Variants in CNTNAP2 observed in about 807,000 individuals in gnomAD.
CNTNAP2 encodes contactin-associated protein-like 2.
Under a neutral mutation model 155.2 loss-of-function variants are expected in CNTNAP2, and 98 were observed. The observed-to-expected ratio is 0.63, with a 90% CI of 0.54 to 0.75. The LOEUF (loss-of-function observed/expected upper bound fraction) is 0.75. CNTNAP2 is among the 30% of genes least tolerant of loss of function. The pLI is 0.00. For synonymous variants in CNTNAP2, 651 were observed against 631.2 expected (o/e 1.03, Z -0.47); for missense variants, 1,727 against 1,688.1 (o/e 1.02, Z -0.40).
intron 21 of CNTNAP2, among the ~76,000 whole-genome samples, chr7:148,284,238 G>A (rs1324720389): frequency 8.8e-6 from 1 of 114,112 alleles, no homozygotes; most frequent in Non-Finnish European, 1.9e-5. Flanking sequence ...TGTTGTGGGA[G>A]GGACCCGATG....
intron 13 of CNTNAP2, among the ~76,000 whole-genome samples, chr7:147,868,760 G>A (rs145534716): frequency 1.3e-5 from 2 of 152,340 alleles, no homozygotes; most frequent in East Asian, 3.9e-4. Context: ...GGCTCCATGG[G>A]CATGGGACCC....
intron 1 of CNTNAP2, among the ~76,000 whole-genome samples, chr7:146,148,100 A>G (rs1163519744): frequency 1.3e-5 from 2 of 152,108 alleles, no homozygotes; most frequent in African/African-American, 4.8e-5. Context: ...TGCAGATTTT[A>G]CTTCTATAGT....
chr7:148,177,046 C>T (rs1794949588), intron 18 of CNTNAP2, among the ~76,000 whole-genome samples: 1 of 152,192 alleles, frequency 6.6e-6, no homozygotes, highest in Admixed American at 6.5e-5. Flanking sequence ...GCAGTACACT[C>T]TCTGTGTGTC....
chr7:146,596,113 A>G (rs1798854704), intron 1 of CNTNAP2, among the ~76,000 whole-genome samples: 2 of 152,026 alleles, frequency 1.3e-5, no homozygotes, highest in Non-Finnish European at 2.9e-5. Context: ...CATGCTCCGG[A>G]GCAGACATCT....
intron 8 of CNTNAP2, among the ~76,000 whole-genome samples, chr7:147,133,960 G>A (rs1256185516): frequency 6.6e-6 from 1 of 151,974 alleles, no homozygotes; most frequent in Non-Finnish European, 1.5e-5. Flanking sequence ...GAGGTTTACA[G>A]CAAATCGAAA....
intron 2 of CNTNAP2, among the ~76,000 whole-genome samples, chr7:146,781,063 C>T (rs1337452192): frequency 6.6e-6 from 1 of 151,818 alleles, no homozygotes; most frequent in Non-Finnish European, 1.5e-5. Flanking sequence ...CCCGTCTCTA[C>T]TAAAAATACA....
In CNTNAP2 at chr7:147,128,708, A is replaced by T. The variant is rs1157860969; in HGVS notation, c.955A>T (p.Ile319Phe). The T allele has an allele frequency of 6.2e-7, 1 of 1,613,882 alleles. No homozygotes were observed. Among genetic ancestry groups the T allele is most frequent in the East Asian group, 2.2e-5 (1 of 44,874 alleles). ...DLDYEITFGG[I>F]PFSGKPSSSS... ...TTTCTCAAAGATAACCTTTGGAGGC[A>T]TCCCTTTCTCTGGCAAGCCCAGCTC... The change falls in exon 7 of 24, where the codon ATC (isoleucine) becomes TTC (phenylalanine). Residue 319 changes from isoleucine (I) to phenylalanine (F), a missense_variant. Ile to Phe is a conservative substitution (Grantham distance 21). Transcript: ENST00000361727.
At chr7:147,938,611 C>T (rs1257495343) in intron 14 of CNTNAP2, among the ~76,000 whole-genome samples, 2 of 151,978 alleles carry the variant, frequency 1.3e-5, no homozygotes, top group Non-Finnish European at 2.9e-5. Flanking sequence ...GAAGATAATA[C>T]CTTTATGATA....
chr7:146,675,419 A>G (rs1002508176), intron 1 of CNTNAP2, among the ~76,000 whole-genome samples: 3 of 152,192 alleles, frequency 2.0e-5, no homozygotes, highest in Non-Finnish European at 2.9e-5. Context: ...ACTAGTTTCA[A>G]GCCTTGGCTC....
At chr7:147,891,078 T>G (rs1799682736) in intron 13 of CNTNAP2, among the ~76,000 whole-genome samples, 1 of 152,182 alleles carries the variant, frequency 6.6e-6, no homozygotes, top group Non-Finnish European at 1.5e-5. Context: ...AAAACTATTT[T>G]TTTTAAAAAG....
intron 15 of CNTNAP2, among the ~76,000 whole-genome samples, chr7:147,989,371 C>T (rs796474208): frequency 1.6e-4 from 24 of 152,348 alleles, no homozygotes; most frequent in African/African-American, 5.0e-4. Flanking sequence ...TCACCCAGAT[C>T]CTTACCTCAG....
intron 2 of CNTNAP2, among the ~76,000 whole-genome samples, chr7:146,838,411 A>T (rs1803657432): frequency 6.6e-6 from 1 of 152,096 alleles, no homozygotes; most frequent in African/African-American, 2.4e-5. Flanking sequence ...TCTGCCTCCC[A>T]GGTTCAAGCA....
At chr7:147,593,531 G>A (rs200040829) in intron 12 of CNTNAP2, among the ~76,000 whole-genome samples, 1 of 151,858 alleles carries the variant, frequency 6.6e-6, no homozygotes, top group East Asian at 1.9e-4. Flanking sequence ...TTAACCTTGG[G>A]TAGATTATTT....
chr7:147,478,313 CA>C (rs1798357749), intron 10 of CNTNAP2, among the ~76,000 whole-genome samples: 1 of 151,918 alleles, frequency 6.6e-6, no homozygotes, highest in African/African-American at 2.4e-5. Flanking sequence ...CCACCACAGC[CA>C]GCTAATTTTT....
At chr7:147,264,003 A>G (rs200942364) in intron 8 of CNTNAP2, among the ~76,000 whole-genome samples, 2 of 152,340 alleles carry the variant, frequency 1.3e-5, no homozygotes, top group East Asian at 3.9e-4. Flanking sequence ...CCTAGCAGTC[A>G]GTGGAGGCCT....
intron 1 of CNTNAP2, among the ~76,000 whole-genome samples, chr7:146,517,873 A>T (rs1378453505): frequency 6.6e-6 from 1 of 151,902 alleles, no homozygotes; most frequent in African/African-American, 2.4e-5. Context: ...GCAGCTGCAT[A>T]ATAGCCCATT....
At chr7:146,329,702 C>T (rs1801150090) in intron 1 of CNTNAP2, among the ~76,000 whole-genome samples, 1 of 152,134 alleles carries the variant, frequency 6.6e-6, no homozygotes, top group East Asian at 1.9e-4. Flanking sequence ...GTTCTATTCT[C>T]ACCAACCAGC....
At chr7:147,934,844 C>A (rs1267825219) in intron 14 of CNTNAP2, among the ~76,000 whole-genome samples, 4 of 152,142 alleles carry the variant, frequency 2.6e-5, no homozygotes, top group African/African-American at 9.7e-5. Flanking sequence ...ATGTGTAGTA[C>A]CCTTTTCCCA....
At chr7:147,508,891 T>C (rs1276623727) in intron 11 of CNTNAP2, among the ~76,000 whole-genome samples, 1 of 152,214 alleles carries the variant, frequency 6.6e-6, no homozygotes, top group East Asian at 1.9e-4. Context: ...TTTTTCTTTA[T>C]AAATTACTCA....
Sources: gnomAD v4.1 joint callset for allele counts (sites outside exome capture counted in the v4.1 genomes callset) on GRCh38, gnomAD v4.1.1 for gene constraint, MANE v1.5 for transcripts, NCBI Gene and HGNC (gene_info 2026-07-23, HGNC 2026-07-21) for gene names.